The following HTR1F variants were observed in gnomAD, a reference collection of about 807,000 sequenced individuals.
The protein encoded by HTR1F is 5-hydroxytryptamine (serotonin) receptor 1F, G protein-coupled.
A neutral mutation model predicts 24.0 loss-of-function variants in HTR1F; 17 were observed. That is an observed-to-expected ratio of 0.71 (90% CI 0.48 to 1.06). The LOEUF is 1.06. Among genes scored for constraint, HTR1F ranks in the 50% least tolerant of loss-of-function variants. HTR1F has a pLI of 0.00. For missense variants in HTR1F, 391 were observed against 427.8 expected, an observed-to-expected ratio of 0.91 and a Z score of 0.76; for synonymous variants, 186 against 156.8, an observed-to-expected ratio of 1.19 and a Z score of -1.39.
intron 2 of HTR1F, among the ~76,000 whole-genome samples, chr3:87,973,074 G>C (rs1359402787): frequency 6.6e-6 from 1 of 152,010 alleles, no homozygotes; most frequent in East Asian, 1.9e-4. Flanking sequence ...GGGAAACTGA[G>C]GCAGGAGAAT....
chr3:87,812,707 G>T (rs1203995730), intron 1 of HTR1F, among the ~76,000 whole-genome samples: 1 of 152,164 alleles, frequency 6.6e-6, no homozygotes, highest in African/African-American at 2.4e-5. Flanking sequence ...TAGAGACCTA[G>T]GAGGGAAAAA....
chr3:87,843,576 T>A (rs1179669149), intron 2 of HTR1F, among the ~76,000 whole-genome samples: 6 of 151,318 alleles, frequency 4.0e-5, no homozygotes, highest in Non-Finnish European at 8.8e-5. Context: ...ATGTGCACAT[T>A]GTGCAGGTTA....
intron 2 of HTR1F, among the ~76,000 whole-genome samples, chr3:87,832,581 GC>G (rs1704605079): frequency 6.6e-6 from 1 of 152,120 alleles, no homozygotes; most frequent in South Asian, 2.1e-4. Context: ...GCCCACCTCA[GC>G]CTCCCAAAGT....
intron 1 of HTR1F, among the ~76,000 whole-genome samples, chr3:87,813,246 G>A (rs1371979959): frequency 6.6e-6 from 1 of 152,202 alleles, no homozygotes. Context: ...CCTTGCATCA[G>A]CGTGCCCTGT....
intron 2 of HTR1F, among the ~76,000 whole-genome samples, chr3:87,903,948 C>G (rs747469399): frequency 2.2e-4 from 33 of 152,066 alleles, no homozygotes; most frequent in Admixed American, 3.9e-4. Context: ...TAAAGTAAAG[C>G]CATAGTTACA....
intron 2 of HTR1F, chr3:87,910,296 T>A (rs1358779012): frequency 6.6e-6 from 1 of 152,004 alleles, no homozygotes; most frequent in Non-Finnish European, 1.5e-5. Context: ...ACAAGACACA[T>A]ATGGTTAAGA....
chr3:87,963,743 T>C (rs1705110202), intron 2 of HTR1F, among the ~76,000 whole-genome samples: 3 of 152,126 alleles, frequency 2.0e-5, no homozygotes. Flanking sequence ...AAAACATCTA[T>C]GCTGGCACCT....
At chr3:87,911,310 A>G (rs1315064141) in intron 2 of HTR1F, among the ~76,000 whole-genome samples, 1 of 152,134 alleles carries the variant, frequency 6.6e-6, no homozygotes, top group African/African-American at 2.4e-5. Flanking sequence ...CAGAAATACA[A>G]ACAACCATCA....
At chr3:87,947,335 C>T (rs973596337) in intron 2 of HTR1F, among the ~76,000 whole-genome samples, 1 of 151,994 alleles carries the variant, frequency 6.6e-6, no homozygotes, top group Non-Finnish European at 1.5e-5. Flanking sequence ...GATAAGATGA[C>T]ATGATTATAT....
At chr3:87,986,466 C>T (rs1705663707) in intron 2 of HTR1F, among the ~76,000 whole-genome samples, 1 of 151,902 alleles carries the variant, frequency 6.6e-6, no homozygotes, top group African/African-American at 2.4e-5. Flanking sequence ...AGAATATAAC[C>T]CAAAATTTTT....
intron 2 of HTR1F, among the ~76,000 whole-genome samples, chr3:87,945,017 G>GTTGCT (rs1553680827): frequency 1.3e-5 from 2 of 151,764 alleles, no homozygotes; most frequent in Non-Finnish European, 2.9e-5. Context: ...GGGCACACTG[G>GTTGCT]TTGTTTTGTT....
At chr3:87,926,095 AATC>A (rs1196061952) in intron 2 of HTR1F, among the ~76,000 whole-genome samples, 3 of 152,208 alleles carry the variant, frequency 2.0e-5, no homozygotes, top group African/African-American at 7.2e-5. Flanking sequence ...GGCTTAAATC[AATC>A]TTTTTTACAG....
At chr3:87,797,677 A>G (rs1291428705) in intron 1 of HTR1F, among the ~76,000 whole-genome samples, 3 of 152,192 alleles carry the variant, frequency 2.0e-5, no homozygotes, top group Non-Finnish European at 4.4e-5. Context: ...AATGTAGCTT[A>G]AAATATGAAA....
chr3:87,915,756 GA>G (rs1399019156), intron 2 of HTR1F, among the ~76,000 whole-genome samples: 1 of 152,112 alleles, frequency 6.6e-6, no homozygotes, highest in East Asian at 1.9e-4. Flanking sequence ...AGGAAGAAGA[GA>G]AATCTAAAAG....
intron 2 of HTR1F, among the ~76,000 whole-genome samples, chr3:87,947,524 C>T (rs2915294): frequency 0.5 from 76,405 of 151,808 alleles, 22,277 homozygotes; most frequent in African/African-American, 0.82. Flanking sequence ...TTTAGAAACA[C>T]AGAAATGTTA....
At chr3:87,899,556 T>C (rs906615871) in intron 2 of HTR1F, among the ~76,000 whole-genome samples, 11 of 152,182 alleles carry the variant, frequency 7.2e-5, no homozygotes, top group Admixed American at 7.2e-4. Flanking sequence ...TAGCCTAATA[T>C]AATTATTGCA....
At chr3:87,795,915 T>G (rs1703897086) in intron 1 of HTR1F, among the ~76,000 whole-genome samples, 1 of 152,222 alleles carries the variant, frequency 6.6e-6, no homozygotes, top group South Asian at 2.1e-4. Flanking sequence ...TCATAATCTT[T>G]CCAATTTCTT....
In HTR1F at chr3:87,991,008, G is replaced by A; in HGVS notation, c.259G>A (p.Glu87Lys). ...MPFSIVYIVR[E>K]SWIMGQVVCD... ...CTTCAGCATTGTGTATATTGTGAGA[G>A]AGAGCTGGATTATGGGGCAAGTGGT... Residue 87 changes from glutamate (E) to lysine (K), a missense_variant, in exon 3 of 3, where the codon GAG becomes AAG. Coordinates refer to ENST00000319595, the MANE Select transcript of HTR1F (RefSeq NM_001322209.2). 1.2e-6 allele frequency: 2 copies of A among 1,614,136 alleles called. No homozygotes were observed. Among genetic ancestry groups the A allele is most frequent in the Non-Finnish European group, 1.7e-6 (2 of 1,180,024 alleles).
chr3:87,844,051 G>A (rs1230101292), intron 2 of HTR1F, among the ~76,000 whole-genome samples: 1 of 148,964 alleles, frequency 6.7e-6, no homozygotes, highest in Admixed American at 6.7e-5. Flanking sequence ...CCAGTAATGG[G>A]ATGGCTGGGT....
Sources: allele counts gnomAD v4.1 joint callset (sites outside exome capture counted in the v4.1 genomes callset), GRCh38; gene constraint gnomAD v4.1.1; transcripts MANE v1.5; gene names NCBI Gene and HGNC (gene_info 2026-07-23, HGNC 2026-07-21).